OSBPL3: variants seen among roughly 807,000 people sequenced by gnomAD.
The protein encoded by OSBPL3 is oxysterol-binding protein-related protein 3.
In OSBPL3, 65 loss-of-function variants were observed where a neutral mutation model predicts 120.1. The ratio of observed to expected loss-of-function variants is 0.54; its 90% CI spans 0.44 to 0.67. The LOEUF is 0.67. OSBPL3 is among the 30% of genes least tolerant of loss of function. The pLI, the probability that OSBPL3 is intolerant of heterozygous loss-of-function variation, is 0.00. For synonymous variants in OSBPL3, 416 were observed against 402.6 expected (o/e 1.03, Z -0.40); for missense variants, 1,004 against 1,082.1 (o/e 0.93, Z 1.01).
At chr7:24,975,855 G>A (rs544712650) in intron 1 of OSBPL3, among the ~76,000 whole-genome samples, 1 of 152,330 alleles carries the variant, frequency 6.6e-6, no homozygotes, top group Admixed American at 6.5e-5. Flanking sequence ...AGCAGTTTAT[G>A]AGTTCAGCTT....
chr7:24,892,887 A>C (rs934608064), intron 1 of OSBPL3, among the ~76,000 whole-genome samples: 1 of 152,260 alleles, frequency 6.6e-6, no homozygotes, highest in Non-Finnish European at 1.5e-5. Flanking sequence ...AATCAGTACT[A>C]TAAAAAATCT....
chr7:24,825,458 A>G (rs1428905973), intron 16 of OSBPL3, among the ~76,000 whole-genome samples: 3 of 152,216 alleles, frequency 2.0e-5, no homozygotes, highest in Admixed American at 6.5e-5. Flanking sequence ...CTTATCTCAT[A>G]AACACATGGC....
Position 24,930,853 on chromosome 7 carries a change from C to T in OSBPL3, c.-149-38232G>A, listed in dbSNP as rs934565435. On this transcript the variant is annotated intron_variant, in intron 1 of 22. Coordinates refer to ENST00000313367, the MANE Select transcript of OSBPL3 (RefSeq NM_015550.4). The surrounding 1 kb of genome is among the most constrained non-coding windows in gnomAD (Gnocchi z 4.4). ...TGAGATTTTGTCACTGAAACTTGAC[C>T]TATATCCAAAAACAAGTAGGCAAAC... Among the ~76,000 whole-genome samples, 53 of 152,270 alleles carry T rather than the reference C, an allele frequency of 3.5e-4. No individual in the cohort carries two copies. Among genetic ancestry groups the T allele is most frequent in the African/African-American group, 1.3e-3 (52 of 41,556 alleles).
At chr7:24,869,342 T>C (rs532160778) in intron 5 of OSBPL3, among the ~76,000 whole-genome samples, 9 of 152,236 alleles carry the variant, frequency 5.9e-5, no homozygotes, top group Admixed American at 1.3e-4. Context: ...CTAAGATTCA[T>C]TGGAAGTACC....
intron 1 of OSBPL3, among the ~76,000 whole-genome samples, chr7:24,903,704 C>T (rs180718813): frequency 3.9e-5 from 6 of 152,228 alleles, no homozygotes; most frequent in Admixed American, 1.3e-4. Flanking sequence ...ACACTCAATA[C>T]CTGAATGCCG....
Position 24,965,940 on chromosome 7 carries a change from G to A in OSBPL3, c.-150+13946C>T, listed in dbSNP as rs1057430134. Among the ~76,000 whole-genome samples the A allele has an allele frequency of 1.3e-5, 2 of 152,132 alleles. No individual in the cohort carries two copies. The highest frequency in any genetic ancestry group is 2.9e-5 in the Non-Finnish European group (2 of 68,018). ...CCTCAAGGGTGTGTCCCATTCATGT[G>A]GCCCCACCCCTCCAGCTGGCTCCCT... On this transcript the variant is annotated intron_variant, in intron 1 of 22. Transcript: ENST00000313367. The surrounding 1 kb of genome is among the most constrained non-coding windows in gnomAD (Gnocchi z 4.3).
rs1338614499 is a variant in OSBPL3, at chr7:24,827,233, G to A, written c.1884+3535C>T. ...CAATGACACATAATGGACAAGGGCG[G>A]AGTCATGCTGTCTCCATCAAGGTAG... On this transcript the variant is annotated intron_variant, in intron 16 of 22. Coordinates refer to ENST00000313367, the MANE Select transcript of OSBPL3 (RefSeq NM_015550.4). The surrounding 1 kb of genome is among the most constrained non-coding windows in gnomAD (Gnocchi z 5.1). 6.6e-6 allele frequency among the ~76,000 whole-genome samples: 1 copy of A among 152,238 alleles called. No homozygotes were observed. Among genetic ancestry groups the A allele is most frequent in the African/African-American group, 2.4e-5 (1 of 41,462 alleles).
chr7:24,919,821 T>C (rs910531616), intron 1 of OSBPL3, among the ~76,000 whole-genome samples: 4 of 150,332 alleles, frequency 2.7e-5, no homozygotes, highest in Non-Finnish European at 5.9e-5. Context: ...AAAAAACAAA[T>C]AATCCAATAT....
chr7:24,979,382 G>A (rs764064534), intron 1 of OSBPL3, among the ~76,000 whole-genome samples: 6 of 152,274 alleles, frequency 3.9e-5, no homozygotes, highest in South Asian at 2.1e-4. Flanking sequence ...GCCCAGCACC[G>A]GGGAGCTGAG....
At chr7:24,927,575 T>C (rs899756488) in intron 1 of OSBPL3, among the ~76,000 whole-genome samples, 18 of 152,238 alleles carry the variant, frequency 1.2e-4, no homozygotes, top group Non-Finnish European at 2.9e-5. Flanking sequence ...CAAAATATCC[T>C]CAGGCACAGA....
At chr7:24,957,475 G>C (rs944397654) in intron 1 of OSBPL3, among the ~76,000 whole-genome samples, 1 of 152,154 alleles carries the variant, frequency 6.6e-6, no homozygotes, top group African/African-American at 2.4e-5. Context: ...GGTGGTAATA[G>C]GGTACTCAGG....
rs1432088494 is a variant in OSBPL3, at chr7:24,891,959, T to C, written c.96+418A>G. Among the ~76,000 whole-genome samples the C allele has an allele frequency of 1.3e-5, 2 of 152,254 alleles. No individual in the cohort carries two copies. The highest frequency in any genetic ancestry group is 2.1e-4 in the South Asian group (1 of 4,822). On this transcript the variant is annotated intron_variant, in intron 2 of 22. Transcript: ENST00000313367. This position sits in a 1 kb window ranked among gnomAD's most constrained non-coding sequence, Gnocchi z 4.1. ...GATATTATAATTACCAGAAAAATGA[T>C]TGATTGTTTTTTTGTTTTGCTTAGC...
rs1245513962 is a variant in OSBPL3 at position 24,881,095 on chromosome 7, A to G, written c.97-9026T>C. On this transcript the variant is annotated intron_variant, in intron 2 of 22. Coordinates refer to ENST00000313367, the MANE Select transcript of OSBPL3 (RefSeq NM_015550.4). This position sits in a 1 kb window ranked among gnomAD's most constrained non-coding sequence, Gnocchi z 4.3. ...AGCTGAGAACAGTGCTCTCTCTTACAGAGTGCTCAAAACTATTTTTTCAGA... is the reference window on the plus strand; with the variant it reads ...AGCTGAGAACAGTGCTCTCTCTTACGGAGTGCTCAAAACTATTTTTTCAGA... Among the ~76,000 whole-genome samples, 5 of 152,218 alleles carry G rather than the reference A, an allele frequency of 3.3e-5. No individual in the cohort carries two copies. Among genetic ancestry groups the G allele is most frequent in the Admixed American group, 6.5e-5 (1 of 15,288 alleles).
chr7:24,845,624 G>C lies in OSBPL3; in HGVS notation c.1267-3211C>G, dbSNP rs184353816. On this transcript the variant is annotated intron_variant, in intron 12 of 22. Coordinates refer to ENST00000313367, the MANE Select transcript of OSBPL3 (RefSeq NM_015550.4). Reference sequence around the variant, plus strand: ...AAATATTTTTCCCAGTCTATTATTTGCCTTATTGTTTTGACACACATCACT... The same window carrying C: ...AAATATTTTTCCCAGTCTATTATTTCCCTTATTGTTTTGACACACATCACT... Among the ~76,000 whole-genome samples the C allele has an allele frequency of 4.3e-3, 611 of 142,306 alleles. 7 individuals are homozygous for C. The highest frequency in any genetic ancestry group is 0.015 in the African/African-American group (590 of 38,484). The allele number at this position is 142,306 out of a possible 152,430, so 93.4% of individuals were successfully genotyped here. A position where few individuals can be genotyped will look rare whatever the true frequency, so the allele number is the denominator to read the frequency against.
chr7:24,927,442 A>G (rs73076259), intron 1 of OSBPL3, among the ~76,000 whole-genome samples: 3,799 of 152,294 alleles, frequency 0.025, 146 homozygotes, highest in East Asian at 0.15. Flanking sequence ...ACAGAATAGC[A>G]CTTGGCATTT....
chr7:24,858,351 C>T (rs922070676), intron 10 of OSBPL3, among the ~76,000 whole-genome samples: 10 of 152,150 alleles, frequency 6.6e-5, no homozygotes, highest in African/African-American at 2.2e-4. Flanking sequence ...AGTAACAAAA[C>T]GAGGTTTACA....
At chr7:24,843,563 C>G (rs536399450) in intron 12 of OSBPL3, among the ~76,000 whole-genome samples, 1 of 152,150 alleles carries the variant, frequency 6.6e-6, no homozygotes, top group Non-Finnish European at 1.5e-5. Context: ...AGCAGATTTT[C>G]GTAATTAATA....
intron 1 of OSBPL3, among the ~76,000 whole-genome samples, chr7:24,920,011 T>C (rs892968491): frequency 2.0e-5 from 3 of 151,910 alleles, no homozygotes; most frequent in African/African-American, 7.3e-5. Flanking sequence ...CAATAACAAG[T>C]GTTATCAAGG....
In OSBPL3 at chr7:24,857,621, G is replaced by A. The variant is rs565159493; in HGVS notation, c.1027+3992C>T. Among the ~76,000 whole-genome samples the A allele has an allele frequency of 2.0e-5, 3 of 152,288 alleles. No homozygotes were observed. In the South Asian group the frequency reaches 6.2e-4, roughly 32 times the overall value. ...ATTTCCACAGCTAGTCAGTAACAGA[G>A]GTGGCCTACTTAGCCAGTACAGAGG... is the stretch of plus-strand genomic sequence containing the variant. On this transcript the variant is annotated intron_variant, in intron 10 of 22. Coordinates refer to ENST00000313367, the MANE Select transcript of OSBPL3 (RefSeq NM_015550.4).
Sources: gnomAD v4.1 joint callset for allele counts (sites outside exome capture counted in the v4.1 genomes callset) on GRCh38, gnomAD v4.1.1 for gene constraint, Gnocchi (gnomAD v3.1) non-coding constraint, MANE v1.5 for transcripts, NCBI Gene and HGNC (gene_info 2026-07-23, HGNC 2026-07-21) for gene names.